Variants in PDXK observed in about 807,000 individuals in gnomAD.
The protein encoded by PDXK is pyridoxal kinase.
In PDXK, 15 loss-of-function variants were observed where a neutral mutation model predicts 43.2. The ratio of observed to expected loss-of-function variants is 0.35; its 90% confidence interval spans 0.23 to 0.53. The LOEUF (loss-of-function observed/expected upper bound fraction) is 0.53. Ranked by LOEUF, PDXK falls within the 20% of genes least tolerant of loss-of-function variation. The pLI is 0.92. For synonymous variants in PDXK, 172 were observed against 165.4 expected (o/e 1.04, Z -0.31); for missense variants, 343 against 417.0 (o/e 0.82, Z 1.54).
rs1342975780 is a variant in PDXK at position 43,750,926 on chromosome 21, GTGCGTA to G, written c.510+384_510+389del. 7.5e-4 allele frequency among the ~76,000 whole-genome samples: 113 copies of G among 150,486 alleles called. 1 individual carries two copies. The highest frequency in any genetic ancestry group is 1.7e-3 in the South Asian group (8 of 4,724). ...GGTGTGCACGCATGTGTGCATGTGT[GTGCGTA>G]TGTGTGCACGTGTTTGCACATGTGT... On this transcript the variant is annotated intron_variant, in intron 7 of 10. Coordinates refer to ENST00000291565, the MANE Select transcript of PDXK (RefSeq NM_003681.5).
chr21:43,731,642 G>A (rs914747752), intron 1 of PDXK, among the ~76,000 whole-genome samples: 7 of 151,056 alleles, frequency 4.6e-5, no homozygotes, highest in Admixed American at 1.3e-4. Flanking sequence ...GAGGAGCTCC[G>A]GGTGGGAGGT....
intron 1 of PDXK, among the ~76,000 whole-genome samples, chr21:43,728,463 G>C (rs530347989): frequency 6.6e-6 from 1 of 152,200 alleles, no homozygotes; most frequent in Non-Finnish European, 1.5e-5. Flanking sequence ...CCTGGAACTA[G>C]GGTGGTCAGG....
intron 7 of PDXK, 26 bp from the exon 8 acceptor site, chr21:43,752,492 G>A: frequency 6.6e-7 from 1 of 1,514,334 alleles, no homozygotes; most frequent in Non-Finnish European, 9.1e-7. Flanking sequence ...ACCGGCCGTG[G>A]CTGACGCTCC....
chr21:43,736,582 G>T (rs2083406330), intron 2 of PDXK, among the ~76,000 whole-genome samples: 1 of 152,130 alleles, frequency 6.6e-6, no homozygotes, highest in African/African-American at 2.4e-5. Context: ...GATGCTGCCA[G>T]GGAGCTCATT....
intron 1 of PDXK, among the ~76,000 whole-genome samples, chr21:43,726,972 C>A (rs555424714): frequency 1.3e-5 from 2 of 152,098 alleles, no homozygotes; most frequent in African/African-American, 4.8e-5. Flanking sequence ...GGCATGCATG[C>A]GTGTGTCATG....
chr21:43,755,478 T>C (rs1220416759), intron 9 of PDXK: 1 of 581,476 alleles, frequency 1.7e-6, no homozygotes, highest in Non-Finnish European at 3.1e-6. Flanking sequence ...CCAGAGCAGG[T>C]AGCTGGGACC....
Position 43,719,437 on chromosome 21 carries a change from G to A in PDXK, c.87+56G>A. 4.8e-6 allele frequency: 7 copies of A among 1,460,800 alleles called. 1 individual carries two copies. Among genetic ancestry groups the A allele is most frequent in the Non-Finnish European group, 6.4e-6 (7 of 1,088,992 alleles). 90.5% of individuals were successfully genotyped at this position (1,460,800 alleles called of 1,614,324 possible). A position where few individuals can be genotyped will look rare whatever the true frequency, so the allele number is the denominator to read the frequency against. Reference sequence around the variant, plus strand: ...TAACCCGAGCCCGTGACCTTGGCGGGGCTGCCCGAGACGAGCCTCAGTTCC... The same window carrying A: ...TAACCCGAGCCCGTGACCTTGGCGGAGCTGCCCGAGACGAGCCTCAGTTCC... On this transcript the variant is annotated intron_variant, in intron 1 of 10. Coordinates refer to ENST00000291565, the MANE Select transcript of PDXK (RefSeq NM_003681.5).
Position 43,741,785 on chromosome 21 carries a change from C to T in PDXK, c.247+14C>T, listed in dbSNP as rs370384774. 3.9e-6 allele frequency: 6 copies of T among 1,543,770 alleles called. No homozygotes were observed. The African/African-American group carries it at 6.8e-5, about 17-fold the overall frequency. On this transcript the variant is annotated intron_variant, in intron 3 of 10. Transcript: ENST00000291565. ...ACGTGCTCACAGGTAGGTGCCGGAG[C>T]AAGCTGCCGCAGGGGACTACGCACC...
intron 5 of PDXK, among the ~76,000 whole-genome samples, 171 bp downstream of exon 5, chr21:43,746,296 A>C (rs1289978314): frequency 6.6e-6 from 1 of 152,166 alleles, no homozygotes; most frequent in African/African-American, 2.4e-5. Flanking sequence ...ATTTTCTGTA[A>C]AGTGCCTGAC....
intron 1 of PDXK, among the ~76,000 whole-genome samples, chr21:43,726,270 C>CTTTTTTTTTTTTT (rs1182376121): frequency 9.4e-5 from 11 of 116,824 alleles, no homozygotes; most frequent in East Asian, 2.2e-4. Flanking sequence ...TTTTCTTTTT[C>CTTTTTTTTTTTTT]TTTTTTTTTT....
intron 1 of PDXK, among the ~76,000 whole-genome samples, chr21:43,725,649 A>G (rs1368712934): frequency 1.3e-5 from 2 of 152,028 alleles, no homozygotes; most frequent in African/African-American, 4.8e-5. Context: ...ATCTCTACTA[A>G]AAATACAAAA....
At chr21:43,731,992 C>G (rs191241378) in intron 1 of PDXK, 1 of 276,996 alleles carries the variant, frequency 3.6e-6, no homozygotes, top group Non-Finnish European at 6.2e-6. Flanking sequence ...TGGGGGCATG[C>G]GATGAGGAAT....
intron 4 of PDXK, chr21:43,744,739 A>G (rs2083606646): frequency 6.6e-6 from 1 of 152,296 alleles, no homozygotes; most frequent in Non-Finnish European, 1.5e-5. Flanking sequence ...CACCATCACC[A>G]TGTGACCCAG....
chr21:43,735,981 G>T lies in PDXK; in HGVS notation c.142+1858G>T, dbSNP rs1260864627. On this transcript the variant is annotated intron_variant, in intron 2 of 10. Coordinates refer to ENST00000291565, the MANE Select transcript of PDXK (RefSeq NM_003681.5). This position sits in a 1 kb window ranked among gnomAD's most constrained non-coding sequence, Gnocchi z 5.3. ...ACGGGAGCTGGTGGTCAAGACGGGG[G>T]ACTCGGCCTCCTCCGTGCAGCCCCT... Among the ~76,000 whole-genome samples, 1 of 152,158 alleles carries T rather than the reference G, an allele frequency of 6.6e-6. No homozygotes were observed. Among genetic ancestry groups the T allele is most frequent in the African/African-American group, 2.4e-5 (1 of 41,444 alleles).
intron 4 of PDXK, among the ~76,000 whole-genome samples, chr21:43,745,025 C>A (rs796579192): frequency 6.6e-6 from 1 of 152,216 alleles, no homozygotes; most frequent in Non-Finnish European, 1.5e-5. Flanking sequence ...GAGACTGTTA[C>A]ACGATCCCGC....
chr21:43,728,755 G>T (rs921215355), intron 1 of PDXK: 47 of 985,746 alleles, frequency 4.8e-5, no homozygotes, highest in Non-Finnish European at 5.4e-5. Flanking sequence ...GGCTGCGCCT[G>T]GGCAGGGGAT....
rs1278285291 is a variant in PDXK at position 43,760,221 on chromosome 21, G to A, written c.*4158G>A. The A allele has an allele frequency of 6.6e-6, 1 of 152,018 alleles. No individual in the cohort carries two copies. The highest frequency in any genetic ancestry group is 6.6e-5 in the Admixed American group (1 of 15,144). The allele number at this position is 152,018 out of a possible 1,614,324, so 9.4% of individuals were successfully genotyped here. A position where few individuals can be genotyped will look rare whatever the true frequency, so the allele number is the denominator to read the frequency against. ...AGGTGAAGTCTCGCTCTGACACCCA[G>A]GCTGGCGTGCAGTGGTGTGATCTCG... On this transcript the variant is annotated 3_prime_UTR_variant, in exon 11 of 11. Coordinates refer to ENST00000291565, the MANE Select transcript of PDXK (RefSeq NM_003681.5).
chr21:43,731,411 C>T (rs200098918), intron 1 of PDXK, among the ~76,000 whole-genome samples: 5 of 152,156 alleles, frequency 3.3e-5, no homozygotes, highest in East Asian at 1.9e-4. Flanking sequence ...GGGGGTTGCC[C>T]GAGGGTGAGC....
chr21:43,721,760 T>C (rs946743318), intron 1 of PDXK: 1 of 152,310 alleles, frequency 6.6e-6, no homozygotes, highest in African/African-American at 2.4e-5. Context: ...CACAGATTTG[T>C]TGCGACTGGA....
Sources: allele counts gnomAD v4.1 joint callset (sites outside exome capture counted in the v4.1 genomes callset), GRCh38; gene constraint gnomAD v4.1.1; non-coding constraint Gnocchi (gnomAD v3.1); transcripts MANE v1.5; gene names NCBI Gene and HGNC (gene_info 2026-07-23, HGNC 2026-07-21).